The following POLR2J variants were observed in gnomAD, a reference collection of about 807,000 sequenced individuals.
The protein encoded by POLR2J is RNA polymerase II subunit J, also known as DNA-directed RNA polymerase II subunit RPB11-a.
In POLR2J, 12 loss-of-function variants were observed where a neutral mutation model predicts 13.4. That is an observed-to-expected ratio of 0.90 (90% confidence interval 0.57 to 1.45). The LOEUF (loss-of-function observed/expected upper bound fraction) is 1.45, where lower values mean the gene tolerates loss of function less well. Among genes scored for constraint, POLR2J ranks in the 40% most tolerant of loss-of-function variants. POLR2J has a pLI of 0.00. For synonymous variants in POLR2J, 31 were observed against 53.6 expected, an observed-to-expected ratio of 0.58 and a Z score of 1.84; for missense variants, 58 against 132.0, an observed-to-expected ratio of 0.44 and a Z score of 2.75.
Position 102,473,197 on chromosome 7 carries a change from AG to A in POLR2J, c.*451del, listed in dbSNP as rs1798280063. 2 of 949,352 alleles carry A rather than the reference AG, an allele frequency of 2.1e-6. No homozygotes were observed. Among genetic ancestry groups the A allele is most frequent in the Middle Eastern group, 2.5e-4 (1 of 4,076 alleles). 58.8% of individuals were successfully genotyped at this position (949,352 alleles called of 1,614,324 possible). ...TGTGGAAAGGTGTTTCGAGTTATGC[AG>A]GAAGAAGTGTTCCTGCTTTGACTGA... On this transcript the variant is annotated 3_prime_UTR_variant, in exon 4 of 4. Coordinates refer to ENST00000292614, the MANE Select transcript of POLR2J (RefSeq NM_006234.6).
At chr7:102,475,241 G>A (rs1798394606) in intron 2 of POLR2J, among the ~76,000 whole-genome samples, 2 of 152,262 alleles carry the variant, frequency 1.3e-5, no homozygotes, top group African/African-American at 2.4e-5. Flanking sequence ...CCCACTCACA[G>A]ACGGGGAAAA....
At chr7:102,474,334 G>A (rs764767694) in intron 3 of POLR2J, 27 bp downstream of exon 3, 36 of 1,611,602 alleles carry the variant, frequency 2.2e-5, no homozygotes, top group African/African-American at 5.4e-5. Context: ...AGCCCACCCC[G>A]TCTGCCCCTC....
chr7:102,473,460 C>G lies in POLR2J; in HGVS notation c.*189G>C. 1 of 824,122 alleles carries G rather than the reference C, an allele frequency of 1.2e-6. No homozygotes were observed. Among genetic ancestry groups the G allele is most frequent in the Non-Finnish European group, 1.8e-6 (1 of 553,492 alleles). 51.1% of individuals were successfully genotyped at this position (824,122 alleles called of 1,614,324 possible). ...GCTGCTCAAGTCCACATCCAGGTCT[C>G]TCCCGCTATACTTTATTAGGAATAT... On this transcript the variant is annotated 3_prime_UTR_variant, in exon 4 of 4. Transcript: ENST00000292614.
Position 102,473,234 on chromosome 7 carries a change from C to A in POLR2J, c.*415G>T. 1.4e-6 allele frequency: 1 copy of A among 739,150 alleles called. No individual in the cohort carries two copies. 45.8% of individuals were successfully genotyped at this position (739,150 alleles called of 1,614,324 possible). A position where few individuals can be genotyped will look rare whatever the true frequency, so the allele number is the denominator to read the frequency against. ...TCCTGCTTTGACTGACAGGCAGGCC[C>A]AGGAGTTGAGGCTTCTAGAGCAGAG... On this transcript the variant is annotated 3_prime_UTR_variant, in exon 4 of 4. Coordinates refer to ENST00000292614, the MANE Select transcript of POLR2J (RefSeq NM_006234.6).
chr7:102,473,868 G>C (rs899209234), intron 3 of POLR2J, 184 bp from the exon 4 acceptor site: 108 of 1,442,240 alleles, frequency 7.5e-5, no homozygotes, highest in Non-Finnish European at 9.8e-5. Flanking sequence ...CTCTATGGCA[G>C]CCCCGGCAGG....
Position 102,473,499 on chromosome 7 carries a change from T to C in POLR2J, c.*150A>G, listed in dbSNP as rs1051553304. On this transcript the variant is annotated 3_prime_UTR_variant, in exon 4 of 4. Transcript: ENST00000292614. ...TATTAGGAATATAAAACCTAATCTA[T>C]GTACAGGACACGTCGGTGTCAGGGT... The C allele has an allele frequency of 1.8e-5, 17 of 963,634 alleles. 1 individual carries two copies. The South Asian group carries it at 1.8e-4, about 10-fold the overall frequency. 59.7% of individuals were successfully genotyped at this position (963,634 alleles called of 1,614,324 possible).
intron 3 of POLR2J, 123 bp from the exon 4 acceptor site, chr7:102,473,807 A>G: frequency 6.7e-7 from 1 of 1,499,192 alleles, no homozygotes; most frequent in Non-Finnish European, 8.9e-7. Context: ...CACACTCCCC[A>G]GGACAGTGGA....
Position 102,474,540 on chromosome 7 carries a change from G to A in POLR2J, c.144-5C>T. ...TGCGGGTCTTTTAGGAGTTGTCTGA[G>A]GTCAGGGACAGACAGTGTGAGGGTC... On this transcript the variant is annotated splice_polypyrimidine_tract_variant and splice_region_variant and intron_variant, in intron 2 of 3. Coordinates refer to ENST00000292614, the MANE Select transcript of POLR2J (RefSeq NM_006234.6). 1 of 1,182,374 alleles carries A rather than the reference G, an allele frequency of 8.5e-7. No individual in the cohort carries two copies. The highest frequency in any genetic ancestry group is 2.3e-5 in the East Asian group (1 of 42,842). The allele number at this position is 1,182,374 out of a possible 1,614,324, so 73.2% of individuals were successfully genotyped here. A position where few individuals can be genotyped will look rare whatever the true frequency, so the allele number is the denominator to read the frequency against.
rs12381 is a variant in POLR2J, at chr7:102,473,300, C to G, written c.*349G>C. The G allele has an allele frequency of 0.061, 35,387 of 576,896 alleles. 1,290 individuals carry two copies. The highest frequency in any genetic ancestry group is 0.072 in the Non-Finnish European group (24,296 of 335,652). 35.7% of individuals were successfully genotyped at this position (576,896 alleles called of 1,614,324 possible). A position where few individuals can be genotyped will look rare whatever the true frequency, so the allele number is the denominator to read the frequency against. On this transcript the variant is annotated 3_prime_UTR_variant, in exon 4 of 4. Transcript: ENST00000292614. ...TGGGTTTGCACACTTCTCTCCGGCT[C>G]AGCACAGCCCCCGCAGCAGCCCCTG...
chr7:102,473,860 C>G, intron 3 of POLR2J, 176 bp from the exon 4 acceptor site: 2 of 1,444,036 alleles, frequency 1.4e-6, no homozygotes, highest in Non-Finnish European at 1.8e-6. Context: ...CAGCCATTCT[C>G]TATGGCAGCC....
intron 3 of POLR2J, 135 bp from the exon 4 acceptor site, chr7:102,473,819 C>G: frequency 2.7e-6 from 4 of 1,480,218 alleles, no homozygotes; most frequent in Non-Finnish European, 2.7e-6. Flanking sequence ...GACAGTGGAG[C>G]AGCCAAAGGG....
rs572139970 is a variant in POLR2J at position 102,473,525 on chromosome 7, GA to G, written c.*123del. The G allele has an allele frequency of 1.9e-4, 279 of 1,448,436 alleles. No homozygotes were observed. The African/African-American group carries it at 3.5e-3, about 18-fold the overall frequency. 89.7% of individuals were successfully genotyped at this position (1,448,436 alleles called of 1,614,324 possible). A position where few individuals can be genotyped will look rare whatever the true frequency, so the allele number is the denominator to read the frequency against. On this transcript the variant is annotated 3_prime_UTR_variant, in exon 4 of 4. Coordinates refer to ENST00000292614, the MANE Select transcript of POLR2J (RefSeq NM_006234.6). ...GTACAGGACACGTCGGTGTCAGGGT[GA>G]GGGGTGGCCACAAGGCGGGCCATGG...
In POLR2J at chr7:102,478,876, G is replaced by A; in HGVS notation, c.-16C>T. On this transcript the variant is annotated 5_prime_UTR_variant, in exon 1 of 4. Coordinates refer to ENST00000292614, the MANE Select transcript of POLR2J (RefSeq NM_006234.6). ...GGGCGTTCATGCTCCCGCCGCCGTTGCGTCCAGACCCCAAGGGTCCGCCGC... is the reference window on the plus strand; with the variant it reads ...GGGCGTTCATGCTCCCGCCGCCGTTACGTCCAGACCCCAAGGGTCCGCCGC... 1.9e-6 allele frequency: 3 copies of A among 1,610,510 alleles called. No individual in the cohort carries two copies. Among genetic ancestry groups the A allele is most frequent in the South Asian group, 1.1e-5 (1 of 90,982 alleles).
chr7:102,475,943 G>C (rs1201578408), intron 2 of POLR2J, among the ~76,000 whole-genome samples: 1 of 105,414 alleles, frequency 9.5e-6, no homozygotes, highest in African/African-American at 2.9e-5. Context: ...CAAACAAACA[G>C]TGAATGTAAA....
chr7:102,473,172 T>A lies in POLR2J; in HGVS notation c.*477A>T, dbSNP rs923203232. The A allele has an allele frequency of 1.7e-6, 2 of 1,151,610 alleles. No homozygotes were observed. The highest frequency in any genetic ancestry group is 5.2e-5 in the Admixed American group (2 of 38,102). 71.3% of individuals were successfully genotyped at this position (1,151,610 alleles called of 1,614,324 possible). On this transcript the variant is annotated 3_prime_UTR_variant, in exon 4 of 4. Coordinates refer to ENST00000292614, the MANE Select transcript of POLR2J (RefSeq NM_006234.6). ...TAAACTCTACTGTGGACAAGAAGCC[T>A]GTGGAAAGGTGTTTCGAGTTATGCA...
chr7:102,473,159 T>C lies in POLR2J; in HGVS notation c.*490A>G, dbSNP rs1176946643. The C allele has an allele frequency of 7.1e-5, 89 of 1,257,566 alleles. No individual in the cohort carries two copies. Among genetic ancestry groups the C allele is most frequent in the South Asian group, 4.1e-4 (28 of 68,830 alleles). The allele number at this position is 1,257,566 out of a possible 1,614,324, so 77.9% of individuals were successfully genotyped here. On this transcript the variant is annotated 3_prime_UTR_variant, in exon 4 of 4. Transcript: ENST00000292614. ...TGAATATTTTTATTAAACTCTACTG[T>C]GGACAAGAAGCCTGTGGAAAGGTGT...
chr7:102,474,368 C>G lies in POLR2J; in HGVS notation c.311G>C (p.Arg104Pro). 6.2e-7 allele frequency: 1 copy of G among 1,611,962 alleles called. No homozygotes were observed. The highest frequency in any genetic ancestry group is 2.2e-5 in the East Asian group (1 of 44,856). The change falls in exon 3 of 4, where the codon CGC (arginine) becomes CCC (proline). Residue 104 changes from arginine (R) to proline (P), a missense_variant. Around this residue, in one of 4 missense-constraint regions of POLR2J, gnomAD observed 17 missense variants for 43.6 expected, o/e 0.39. Transcript: ENST00000292614. The part of the protein sequence containing the change: ...LISELSLLEE[R>P]FRVAIKDKQE... ...TCCAGGCCCCGCCCTCACCCGAAAG[C>G]GCTCCTCCAGCAGGGACAGCTCACT...
chr7:102,473,942 T>G, intron 3 of POLR2J: 1 of 1,434,112 alleles, frequency 7.0e-7, no homozygotes, highest in Non-Finnish European at 9.1e-7. Context: ...CCCCAAGCTG[T>G]GGCTCTTTCC....
chr7:102,474,945 G>A (rs1231331853), intron 2 of POLR2J, among the ~76,000 whole-genome samples: 1 of 149,810 alleles, frequency 6.7e-6, no homozygotes, highest in African/African-American at 2.4e-5. Context: ...GAATGCAAAT[G>A]GAACTCTGCC....
Sources: gnomAD v4.1 joint callset for allele counts (sites outside exome capture counted in the v4.1 genomes callset) on GRCh38, gnomAD v4.1.1 for gene constraint, gnomAD v4.1.1 regional missense constraint, MANE v1.5 for transcripts, NCBI Gene and HGNC (gene_info 2026-07-23, HGNC 2026-07-21) for gene names.